Variants in NOSTRIN observed in about 807,000 individuals in gnomAD.
NOSTRIN encodes nitric oxide synthase trafficking.
Under a neutral mutation model 59.0 loss-of-function variants are expected in NOSTRIN, and 63 were observed. That is an observed-to-expected ratio of 1.07 (90% CI 0.87 to 1.32). NOSTRIN has a LOEUF of 1.32. Ranked by LOEUF, NOSTRIN falls within the 40% of genes most tolerant of loss-of-function variation. NOSTRIN has a pLI of 0.00. For synonymous variants in NOSTRIN, 200 were observed against 165.4 expected (o/e 1.21, Z -1.61); for missense variants, 512 against 473.1 (o/e 1.08, Z -0.76).
intron 15 of NOSTRIN, among the ~76,000 whole-genome samples, chr2:168,862,544 G>C (rs1296371772): frequency 1.6e-5 from 1 of 60,626 alleles, no homozygotes; most frequent in Non-Finnish European, 4.9e-5. Flanking sequence ...TCAACTTAGT[G>C]TAAGTAAGTG....
At chr2:168,811,732 C>T in intron 2 of NOSTRIN, 80 bp downstream of exon 2, 2 of 612,086 alleles carry the variant, frequency 3.3e-6, no homozygotes, top group Non-Finnish European at 2.9e-6. Flanking sequence ...TGATTACAAG[C>T]TGTCCTACTT....
At chr2:168,795,627 A>G (rs1190701288), upstream of NOSTRIN, among the ~76,000 whole-genome samples, 2 of 152,348 alleles carry the variant, frequency 1.3e-5, no homozygotes, top group African/African-American at 4.8e-5. Context: ...TAAAAATTAA[A>G]CCCTATTACA....
chr2:168,806,617 T>G (rs1175062846), intron 1 of NOSTRIN, among the ~76,000 whole-genome samples: 1 of 152,138 alleles, frequency 6.6e-6, no homozygotes, highest in Non-Finnish European at 1.5e-5. Flanking sequence ...TCCCAGGTAT[T>G]CCACTACCAG....
At chr2:168,861,032 G>A in intron 14 of NOSTRIN, 123 bp downstream of exon 14, 1 of 620,690 alleles carries the variant, frequency 1.6e-6, no homozygotes, top group Non-Finnish European at 2.9e-6. Context: ...TATTTCCATT[G>A]GGACCGATTA....
In NOSTRIN at chr2:168,827,655, C is replaced by G. The variant is rs1329633653; in HGVS notation, c.198-503C>G. 2.0e-5 allele frequency among the ~76,000 whole-genome samples: 3 copies of G among 151,964 alleles called. No homozygotes were observed. In the East Asian group the frequency reaches 5.8e-4, roughly 29 times the overall value. ...GTGGCATGATCATAGCTCACTGTAG[C>G]TTCCTGGGCTCAAGCAATCCTCCTA... is the stretch of plus-strand genomic sequence containing the variant. On this transcript the variant is annotated intron_variant, in intron 3 of 15. Transcript: ENST00000317647.
At chr2:168,836,684 C>T (rs1382629003) in intron 7 of NOSTRIN, among the ~76,000 whole-genome samples, 1 of 152,188 alleles carries the variant, frequency 6.6e-6, no homozygotes, top group African/African-American at 2.4e-5. Flanking sequence ...TTGCCTCCTA[C>T]CTCACAGAGT....
At chr2:168,823,561 G>T (rs1014844254) in intron 2 of NOSTRIN, among the ~76,000 whole-genome samples, 2 of 152,142 alleles carry the variant, frequency 1.3e-5, no homozygotes, top group South Asian at 4.1e-4. Context: ...CTTTTTCTCT[G>T]TGTACATGTC....
chr2:168,855,541 C>T, intron 11 of NOSTRIN, 81 bp downstream of exon 11: 1 of 564,518 alleles, frequency 1.8e-6, no homozygotes, highest in Non-Finnish European at 2.9e-6. Context: ...GATTGATCTG[C>T]TTTTGCTATT....
intron 5 of NOSTRIN, among the ~76,000 whole-genome samples, chr2:168,831,262 C>T (rs551182202): frequency 6.6e-6 from 1 of 152,146 alleles, no homozygotes; most frequent in African/African-American, 2.4e-5. Flanking sequence ...CTAGGCAGCT[C>T]TTGGGGTCTC....
rs1430178222 is a variant in NOSTRIN at position 168,831,372 on chromosome 2, G to A, written c.343-100G>A. On this transcript the variant is annotated intron_variant, in intron 5 of 15. Coordinates refer to ENST00000317647, the MANE Select transcript of NOSTRIN (RefSeq NM_001039724.4). ...CAAATACCATCACATTGAGGGAATAGGTTTCAATCGATACATTTTAGGGGC... is the reference window on the plus strand; with the variant it reads ...CAAATACCATCACATTGAGGGAATAAGTTTCAATCGATACATTTTAGGGGC... 9 of 703,144 alleles carry A rather than the reference G, an allele frequency of 1.3e-5. No homozygotes were observed. In the East Asian group the frequency reaches 2.0e-4, roughly 16 times the overall value. The allele number at this position is 703,144 out of a possible 1,614,324, so 43.6% of individuals were successfully genotyped here. A position where few individuals can be genotyped will look rare whatever the true frequency, so the allele number is the denominator to read the frequency against.
chr2:168,864,975 A>G lies in NOSTRIN; in HGVS notation c.*5A>G, dbSNP rs199524046. 1,543 of 1,613,962 alleles carry G rather than the reference A, an allele frequency of 9.6e-4. 3 individuals are homozygous for G. Among genetic ancestry groups the G allele is most frequent in the Non-Finnish European group, 1.2e-3 (1,459 of 1,179,968 alleles). ...AACACAGCTACAAAGGCATAAAACA[A>G]GACTCTGAACATACTACCTTCACAC... is the stretch of plus-strand genomic sequence containing the variant. On this transcript the variant is annotated 3_prime_UTR_variant, in exon 16 of 16. Transcript: ENST00000317647.
intron 10 of NOSTRIN, among the ~76,000 whole-genome samples, chr2:168,853,940 T>C (rs1688924388): frequency 6.6e-6 from 1 of 152,228 alleles, no homozygotes; most frequent in South Asian, 2.1e-4. Context: ...CAATGTCAGC[T>C]CACTGCAACC....
At position 168,828,123 on chromosome 2, in the gene NOSTRIN, A is replaced by G. The variant is rs2293130; in HGVS notation, c.198-35A>G. ...ACATCCTATTTCCTAGGAAAATGACACTCACCTTTGTTCCCCACTTTTTTT... is the reference window on the plus strand; with the variant it reads ...ACATCCTATTTCCTAGGAAAATGACGCTCACCTTTGTTCCCCACTTTTTTT... On this transcript the variant is annotated intron_variant, in intron 3 of 15. Coordinates refer to ENST00000317647, the MANE Select transcript of NOSTRIN (RefSeq NM_001039724.4). 6.8e-3 allele frequency: 5,966 copies of G among 872,236 alleles called. 162 individuals carry two copies. The East Asian group carries it at 0.079, about 11-fold the overall frequency. The allele number at this position is 872,236 out of a possible 1,614,324, so 54.0% of individuals were successfully genotyped here. A position where few individuals can be genotyped will look rare whatever the true frequency, so the allele number is the denominator to read the frequency against.
upstream of NOSTRIN, among the ~76,000 whole-genome samples, chr2:168,799,421 T>G (rs558635785): frequency 4.6e-5 from 7 of 152,314 alleles, no homozygotes; most frequent in African/African-American, 1.7e-4. Flanking sequence ...GGGCCATTTT[T>G]GGGGACTGGA....
chr2:168,840,396 G>A (rs546042092), intron 7 of NOSTRIN, among the ~76,000 whole-genome samples: 13 of 152,082 alleles, frequency 8.5e-5, no homozygotes, highest in African/African-American at 3.1e-4. Flanking sequence ...CGGGCGTGGT[G>A]GCAGGCACCT....
chr2:168,795,020 T>C (rs138247824), upstream of NOSTRIN, among the ~76,000 whole-genome samples: 1,288 of 152,340 alleles, frequency 8.5e-3, 18 homozygotes, highest in African/African-American at 0.029. Context: ...TCAGTTGCTG[T>C]CACAGGAAAA....
chr2:168,850,611 T>A (rs1688702724), intron 8 of NOSTRIN, among the ~76,000 whole-genome samples: 2 of 151,994 alleles, frequency 1.3e-5, no homozygotes, highest in African/African-American at 4.8e-5. Context: ...TTTTTTTTTT[T>A]TTTTGTAAAA....
chr2:168,832,413 C>A (rs569543514), intron 6 of NOSTRIN, among the ~76,000 whole-genome samples: 113 of 152,244 alleles, frequency 7.4e-4, no homozygotes, highest in Middle Eastern at 3.4e-3. Context: ...ATTCAATGAA[C>A]CCCTCTGAGA....
intron 2 of NOSTRIN, among the ~76,000 whole-genome samples, chr2:168,824,135 A>G (rs1237862082): frequency 6.6e-6 from 1 of 152,162 alleles, no homozygotes; most frequent in Non-Finnish European, 1.5e-5. Context: ...CCTCTTGGAT[A>G]CCCTTCAGGA....
Sources: gnomAD v4.1 joint callset for allele counts (sites outside exome capture counted in the v4.1 genomes callset) on GRCh38, gnomAD v4.1.1 for gene constraint, MANE v1.5 for transcripts, NCBI Gene and HGNC (gene_info 2026-07-23, HGNC 2026-07-21) for gene names.